Variants in CCDC171 observed in about 807,000 individuals in gnomAD.
CCDC171 encodes the protein coiled-coil domain-containing protein 171.
In CCDC171, 177 loss-of-function variants were observed where a neutral mutation model predicts 168.2. The ratio of observed to expected loss-of-function variants is 1.05; its 90% CI spans 0.93 to 1.19. The LOEUF is 1.19. Ranked by LOEUF, CCDC171 falls within the 50% of genes most tolerant of loss-of-function variation. The pLI is 0.00. For synonymous variants in CCDC171, 687 were observed against 540.8 expected, an observed-to-expected ratio of 1.27 and a Z score of -3.75; for missense variants, 1,991 against 1,539.0, an observed-to-expected ratio of 1.29 and a Z score of -4.91.
At chr9:15,895,152 T>C (rs1820745658) in intron 24 of CCDC171, among the ~76,000 whole-genome samples, 1 of 152,160 alleles carries the variant, frequency 6.6e-6, no homozygotes, top group Non-Finnish European at 1.5e-5. Context: ...GGGACCTTTA[T>C]ATCTAAAATA....
intron 1 of CCDC171, among the ~76,000 whole-genome samples, chr9:16,051,685 T>A (rs913874339): frequency 3.9e-5 from 6 of 152,236 alleles, no homozygotes; most frequent in African/African-American, 1.4e-4. Context: ...GTAATTTGAA[T>A]CCAGAGTTCT....
At chr9:16,050,066 T>C (rs1833725892) in intron 1 of CCDC171, among the ~76,000 whole-genome samples, 1 of 152,038 alleles carries the variant, frequency 6.6e-6, no homozygotes, top group Admixed American at 6.5e-5. Flanking sequence ...TTTGTATTTT[T>C]AGTAGGGACA....
chr9:15,747,168 G>T (rs530207442), intron 18 of CCDC171, among the ~76,000 whole-genome samples: 1 of 152,200 alleles, frequency 6.6e-6, no homozygotes, highest in Non-Finnish European at 1.5e-5. Context: ...GGAGCCTACC[G>T]CAGCTCAGCA....
chr9:15,716,457 C>T (rs376807776), intron 11 of CCDC171, among the ~76,000 whole-genome samples: 84 of 147,682 alleles, frequency 5.7e-4, no homozygotes, highest in African/African-American at 1.9e-3. Context: ...TAGGGTGACC[C>T]TTTTTTTTTT....
chr9:15,828,202 A>G (rs1022545527), intron 21 of CCDC171, among the ~76,000 whole-genome samples: 2 of 152,114 alleles, frequency 1.3e-5, no homozygotes, highest in African/African-American at 2.4e-5. Context: ...GAGGAAATGC[A>G]TAGTTGTTGG....
intron 23 of CCDC171, among the ~76,000 whole-genome samples, chr9:15,859,035 C>G (rs2061448890): frequency 6.6e-6 from 1 of 151,926 alleles, no homozygotes; most frequent in Non-Finnish European, 1.5e-5. Context: ...CATATATGGC[C>G]TTTGGTGTGT....
rs1831535010 is a variant in CCDC171 at position 15,973,717 on chromosome 9, T to G, written c.*1881T>G. 6.6e-6 allele frequency: 1 copy of G among 152,208 alleles called. No homozygotes were observed. Among genetic ancestry groups the G allele is most frequent in the Non-Finnish European group, 1.5e-5 (1 of 68,014 alleles). 9.4% of individuals were successfully genotyped at this position (152,208 alleles called of 1,614,324 possible). ...ATACAGATCATATAATTTCTGCACA[T>G]TTCAGAACACCTTTCTCTGCTGTTC... On this transcript the variant is annotated 3_prime_UTR_variant, in exon 26 of 26. Coordinates refer to ENST00000380701, the MANE Select transcript of CCDC171 (RefSeq NM_173550.4).
Position 15,821,048 on chromosome 9 carries a change from A to G in CCDC171, c.3268-25654A>G, listed in dbSNP as rs531216180. ...TGGTTCAACATATGAAAATCAATAA[A>G]CATAATCCAGCATATAAACAGACCC... On this transcript the variant is annotated intron_variant, in intron 21 of 25. Transcript: ENST00000380701. Among the ~76,000 whole-genome samples the G allele has an allele frequency of 1.1e-3, 127 of 117,652 alleles. 37 individuals carry two copies. Among genetic ancestry groups the G allele is most frequent in the African/African-American group, 3.9e-3 (122 of 31,356 alleles). The allele number at this position is 117,652 out of a possible 152,430, so 77.2% of individuals were successfully genotyped here. A position where few individuals can be genotyped will look rare whatever the true frequency, so the allele number is the denominator to read the frequency against.
chr9:15,779,069 C>G lies in CCDC171; in HGVS notation c.3000C>G (p.Phe1000Leu). ...CACTACGCTTAGAGGTCACAGAATT[C>G]AAACGAAGTGTGAATGAAATGAAAA... ...RRSLRLEVTEFKRSVNEMKKE... is the reference protein window; with the variant it reads ...RRSLRLEVTELKRSVNEMKKE... Residue 1000 changes from phenylalanine to leucine, a missense_variant, in exon 20 of 26, where the codon TTC (phenylalanine) becomes TTG (leucine). Physicochemically the swap from Phe to Leu is conservative, Grantham distance 22. Transcript: ENST00000380701. 6.2e-7 allele frequency: 1 copy of G among 1,605,120 alleles called. No individual in the cohort carries two copies. Among genetic ancestry groups the G allele is most frequent in the Non-Finnish European group, 8.5e-7 (1 of 1,176,216 alleles).
chr9:15,928,085 A>C (rs761032501), intron 25 of CCDC171, among the ~76,000 whole-genome samples: 3 of 151,720 alleles, frequency 2.0e-5, no homozygotes, highest in Non-Finnish European at 3.0e-5. Flanking sequence ...CAATCAGATT[A>C]CAAGCCAAGA....
At chr9:15,946,941 A>T (rs1828469737) in intron 25 of CCDC171, among the ~76,000 whole-genome samples, 1 of 151,908 alleles carries the variant, frequency 6.6e-6, no homozygotes. Flanking sequence ...TTTTTTTCTG[A>T]ATTACAGGGT....
chr9:15,723,798 T>C lies in CCDC171; in HGVS notation c.1491+52T>C, dbSNP rs1239447087. 1.0e-5 allele frequency: 9 copies of C among 873,154 alleles called. No individual in the cohort carries two copies. In the South Asian group the frequency reaches 1.5e-4, roughly 15 times the overall value. The allele number at this position is 873,154 out of a possible 1,614,324, so 54.1% of individuals were successfully genotyped here. A position where few individuals can be genotyped will look rare whatever the true frequency, so the allele number is the denominator to read the frequency against. Reference sequence around the variant, plus strand: ...TTGTATTAAGAAACAAATATAGTTATCTAGGGAATATTTTAAAGTAGAGAT... The same window carrying C: ...TTGTATTAAGAAACAAATATAGTTACCTAGGGAATATTTTAAAGTAGAGAT... On this transcript the variant is annotated intron_variant, in intron 13 of 25. Coordinates refer to ENST00000380701, the MANE Select transcript of CCDC171 (RefSeq NM_173550.4).
intron 7 of CCDC171, among the ~76,000 whole-genome samples, chr9:15,655,738 A>C (rs955285045): frequency 6.6e-6 from 1 of 152,236 alleles, no homozygotes; most frequent in Admixed American, 6.5e-5. Context: ...CAATTAAAAA[A>C]TGGTGAAAAT....
At chr9:15,793,559 T>TC (rs1382119121) in intron 21 of CCDC171, among the ~76,000 whole-genome samples, 1 of 47,124 alleles carries the variant, frequency 2.1e-5, no homozygotes, top group Non-Finnish European at 5.6e-5. Context: ...AGGTTTTTTT[T>TC]TTTTTTTTTT....
the CCDC171 span, among the ~76,000 whole-genome samples, chr9:16,105,319 C>T: frequency 5.1e-4 from 77 of 152,220 alleles, no homozygotes; most frequent in East Asian, 1.5e-3. Flanking sequence ...GTACCTAGGA[C>T]GCTGGCACTC....
chr9:15,871,110 A>G (rs1442667133), intron 23 of CCDC171, among the ~76,000 whole-genome samples: 1 of 151,662 alleles, frequency 6.6e-6, no homozygotes, highest in Non-Finnish European at 1.5e-5. Context: ...CTAAAAATCA[A>G]AATTTTAGAG....
At chr9:15,662,159 C>T (rs2048366346) in intron 8 of CCDC171, among the ~76,000 whole-genome samples, 1 of 152,142 alleles carries the variant, frequency 6.6e-6, no homozygotes, top group African/African-American at 2.4e-5. Flanking sequence ...TGCCTGTAGT[C>T]CCAGCTACTC....
At chr9:16,008,340 C>T (rs1832766776) in intron 3 of CCDC171, among the ~76,000 whole-genome samples, 2 of 152,212 alleles carry the variant, frequency 1.3e-5, no homozygotes, top group African/African-American at 4.8e-5. Context: ...ACTCTTCTTT[C>T]CCCCATTGAA....
chr9:15,828,722 A>G (rs551299628), intron 21 of CCDC171, among the ~76,000 whole-genome samples: 5 of 152,254 alleles, frequency 3.3e-5, no homozygotes, highest in Non-Finnish European at 7.3e-5. Context: ...TTTTCAAACT[A>G]CAATGAAAAT....
Sources: gnomAD v4.1 joint callset for allele counts (sites outside exome capture counted in the v4.1 genomes callset) on GRCh38, gnomAD v4.1.1 for gene constraint, MANE v1.5 for transcripts, NCBI Gene and HGNC (gene_info 2026-07-23, HGNC 2026-07-21) for gene names.